KCNK13: variants seen among roughly 807,000 people sequenced by gnomAD.
KCNK13 encodes the protein potassium two pore domain channel subfamily K member 13.
Under a neutral mutation model 23.4 loss-of-function variants are expected in KCNK13, and 12 were observed. The observed-to-expected ratio is 0.51, with a 90% CI of 0.33 to 0.83. The LOEUF (loss-of-function observed/expected upper bound fraction) is 0.83, where lower values mean the gene tolerates loss of function less well. KCNK13 is among the 40% of genes least tolerant of loss of function. KCNK13 has a pLI of 0.02. For synonymous variants in KCNK13, 231 were observed against 229.5 expected (o/e 1.01, Z -0.06); for missense variants, 463 against 556.3 (o/e 0.83, Z 1.69).
chr14:90,092,852 C>T (rs1290834321), intron 1 of KCNK13, among the ~76,000 whole-genome samples: 1 of 141,532 alleles, frequency 7.1e-6, no homozygotes, highest in African/African-American at 2.7e-5. Context: ...GTCGAGGCTG[C>T]AGTGAGCCAT....
intron 1 of KCNK13, among the ~76,000 whole-genome samples, chr14:90,170,823 G>A (rs1342355849): frequency 6.6e-6 from 1 of 150,798 alleles, no homozygotes; most frequent in Non-Finnish European, 1.5e-5. Context: ...AATCAGATAT[G>A]CATTTGTGTC....
chr14:90,183,173 G>A (rs1890507480), intron 1 of KCNK13, among the ~76,000 whole-genome samples: 9 of 152,166 alleles, frequency 5.9e-5, no homozygotes. Flanking sequence ...TCAGGAGGGT[G>A]GAAATGTGAA....
At chr14:90,073,042 T>C (rs1889094474) in intron 1 of KCNK13, among the ~76,000 whole-genome samples, 1 of 152,168 alleles carries the variant, frequency 6.6e-6, no homozygotes, top group Non-Finnish European at 1.5e-5. Flanking sequence ...GCCACCCAGC[T>C]GGAAGCAGTG....
intron 1 of KCNK13, among the ~76,000 whole-genome samples, chr14:90,111,371 G>A (rs968285702): frequency 6.6e-6 from 1 of 152,146 alleles, no homozygotes; most frequent in Non-Finnish European, 1.5e-5. Flanking sequence ...CCCCGAATGT[G>A]TTACATTTCA....
intron 1 of KCNK13, among the ~76,000 whole-genome samples, chr14:90,100,787 G>A (rs187979816): frequency 8.5e-5 from 13 of 152,198 alleles, no homozygotes; most frequent in Middle Eastern, 3.4e-3. Flanking sequence ...CAACTCTTGG[G>A]CTCAGGTGAT....
At chr14:90,152,027 G>A (rs144993935) in intron 1 of KCNK13, among the ~76,000 whole-genome samples, 10 of 152,216 alleles carry the variant, frequency 6.6e-5, no homozygotes, top group African/African-American at 2.4e-4. Context: ...TACAGTAGCT[G>A]ATATGGTTTG....
At chr14:90,144,604 C>A (rs1264821574) in intron 1 of KCNK13, among the ~76,000 whole-genome samples, 2 of 150,720 alleles carry the variant, frequency 1.3e-5, no homozygotes, top group Non-Finnish European at 3.0e-5. Context: ...TCAAGCCTCC[C>A]AAGTAGCTGG....
At chr14:90,146,802 A>G (rs1309854578) in intron 1 of KCNK13, among the ~76,000 whole-genome samples, 2 of 151,692 alleles carry the variant, frequency 1.3e-5, no homozygotes, top group African/African-American at 4.8e-5. Context: ...GTTTAAATAT[A>G]CCATTTTTTA....
chr14:90,076,820 ATT>A (rs985682521), intron 1 of KCNK13, among the ~76,000 whole-genome samples: 2 of 150,796 alleles, frequency 1.3e-5, no homozygotes, highest in African/African-American at 4.9e-5. Flanking sequence ...TTAAAAAAAA[ATT>A]TTTTTTTTAT....
At chr14:90,146,739 T>C (rs918452484) in intron 1 of KCNK13, among the ~76,000 whole-genome samples, 4 of 152,196 alleles carry the variant, frequency 2.6e-5, no homozygotes, top group Non-Finnish European at 4.4e-5. Context: ...AATCAGTGCC[T>C]TCAAATTTGG....
chr14:90,154,177 C>T (rs1217810766), intron 1 of KCNK13, among the ~76,000 whole-genome samples: 1 of 152,202 alleles, frequency 6.6e-6, no homozygotes, highest in Non-Finnish European at 1.5e-5. Context: ...TCTACCAACA[C>T]TGAATGTGGG....
At chr14:90,097,335 G>A (rs968309671) in intron 1 of KCNK13, among the ~76,000 whole-genome samples, 1 of 152,110 alleles carries the variant, frequency 6.6e-6, no homozygotes, top group Non-Finnish European at 1.5e-5. Flanking sequence ...AAGCAGACAG[G>A]CATGAACCCC....
At position 90,185,109 on chromosome 14, in the gene KCNK13, G is replaced by C. The variant is rs776561168; in HGVS notation, c.*106G>C. The C allele has an allele frequency of 9.7e-7, 1 of 1,029,610 alleles. No individual in the cohort carries two copies. Among genetic ancestry groups the C allele is most frequent in the South Asian group, 2.0e-5 (1 of 50,336 alleles). 63.8% of individuals were successfully genotyped at this position (1,029,610 alleles called of 1,614,324 possible). A position where few individuals can be genotyped will look rare whatever the true frequency, so the allele number is the denominator to read the frequency against. ...CTTGGCTCTGTTCCTTCTGGGAGCT[G>C]TTCCCGGGAGCCTCCGCAAGCATCT... On this transcript the variant is annotated 3_prime_UTR_variant, in exon 2 of 2. Coordinates refer to ENST00000282146, the MANE Select transcript of KCNK13 (RefSeq NM_022054.4).
intron 1 of KCNK13, among the ~76,000 whole-genome samples, chr14:90,161,837 A>C (rs1321308447): frequency 6.6e-6 from 1 of 152,142 alleles, no homozygotes. Context: ...AGGGAAAAGG[A>C]GGAGGAAGAG....
chr14:90,154,159 G>A (rs1890167328), intron 1 of KCNK13, among the ~76,000 whole-genome samples: 1 of 152,160 alleles, frequency 6.6e-6, no homozygotes, highest in East Asian at 1.9e-4. Context: ...CAACAGTCCT[G>A]AATGATCTCT....
intron 1 of KCNK13, among the ~76,000 whole-genome samples, chr14:90,163,759 G>A (rs11628243): frequency 0.047 from 7,173 of 152,074 alleles, 227 homozygotes; most frequent in Middle Eastern, 0.11. Context: ...GTGCAATCTC[G>A]GCTCACTGCA....
intron 1 of KCNK13, among the ~76,000 whole-genome samples, chr14:90,088,133 A>G (rs926586699): frequency 6.6e-6 from 1 of 152,020 alleles, no homozygotes; most frequent in Non-Finnish European, 1.5e-5. Context: ...CTCCCGGGTA[A>G]CTGGGATTAC....
chr14:90,078,897 G>C (rs1326120733), intron 1 of KCNK13, among the ~76,000 whole-genome samples: 1 of 152,210 alleles, frequency 6.6e-6, no homozygotes. Flanking sequence ...ACTTTCCCAA[G>C]TCCACACAGC....
intron 1 of KCNK13, among the ~76,000 whole-genome samples, chr14:90,101,169 G>T (rs1194464802): frequency 6.6e-6 from 1 of 152,174 alleles, no homozygotes; most frequent in Non-Finnish European, 1.5e-5. Context: ...TAGACCAGGT[G>T]ACGTAGGCAG....
Sources: allele counts gnomAD v4.1 joint callset (sites outside exome capture counted in the v4.1 genomes callset), GRCh38; gene constraint gnomAD v4.1.1; transcripts MANE v1.5; gene names NCBI Gene and HGNC (gene_info 2026-07-23, HGNC 2026-07-21).